Variants in SLURP2 observed in about 807,000 individuals in gnomAD.
SLURP2 encodes secreted Ly-6/uPAR domain-containing protein 2.
A neutral mutation model predicts 9.8 loss-of-function variants in SLURP2; 4 were observed. That is an observed-to-expected ratio of 0.41 (90% CI 0.20 to 0.94). SLURP2 has a LOEUF of 0.94. Ranked by LOEUF, SLURP2 falls within the 40% of genes least tolerant of loss-of-function variation. The pLI, the probability that SLURP2 is intolerant of heterozygous loss-of-function variation, is 0.32. For synonymous variants in SLURP2, 58 were observed against 56.2 expected (o/e 1.03, Z -0.15); for missense variants, 118 against 126.4 (o/e 0.93, Z 0.32).
At chr8:142,769,704 C>T (rs748663787) in intron 1 of SLURP2, 51 bp downstream of exon 1, 8 of 1,544,452 alleles carry the variant, frequency 5.2e-6, no homozygotes, top group Admixed American at 1.9e-5. Flanking sequence ...GGTGGTTGGG[C>T]TAGAGTGATG....
chr8:142,767,934 A>T (rs1490117600), intron 1 of SLURP2, among the ~76,000 whole-genome samples: 1 of 149,028 alleles, frequency 6.7e-6, no homozygotes, highest in Admixed American at 6.7e-5. Flanking sequence ...GAATGAATGA[A>T]TTCCGGGGGT....
At chr8:142,767,120 T>G (rs1815030481) in intron 1 of SLURP2, among the ~76,000 whole-genome samples, 1 of 152,218 alleles carries the variant, frequency 6.6e-6, no homozygotes, top group South Asian at 2.1e-4. Context: ...ACCAGGCCCC[T>G]GCCACGGGCC....
chr8:142,764,773 C>T (rs1442279546), intron 2 of SLURP2, 32 bp from the exon 3 acceptor site: 2 of 1,609,472 alleles, frequency 1.2e-6, no homozygotes, highest in Admixed American at 1.7e-5. Context: ...CATGGAGCTC[C>T]CTGAGGCTCT....
In SLURP2 at chr8:142,768,773, G is replaced by T. The variant is rs1815081018; in HGVS notation, c.52+982C>A. On this transcript the variant is annotated intron_variant, in intron 1 of 2. Transcript: ENST00000317543. The surrounding 1 kb of genome is among the most constrained non-coding windows in gnomAD (Gnocchi z 4.8). The stretch of plus-strand genomic sequence containing the variant: ...GACCCTGGGGCAGTCCTCAGGGTCA[G>T]CGGCTCAGCCTCTCATAGGCCAGGA... 6.6e-6 allele frequency among the ~76,000 whole-genome samples: 1 copy of T among 152,164 alleles called. No homozygotes were observed. The highest frequency in any genetic ancestry group is 1.5e-5 in the Non-Finnish European group (1 of 68,012).
rs587699906 is a variant in SLURP2, at chr8:142,768,500, G to A, written c.52+1255C>T. On this transcript the variant is annotated intron_variant, in intron 1 of 2. Transcript: ENST00000317543. This position sits in a 1 kb window ranked among gnomAD's most constrained non-coding sequence, Gnocchi z 4.8. ...CAGCTTGGGGCTTGTTCCTCGAGGG[G>A]CAGGTGGGATTTCAGCAGAAGGAAG... Among the ~76,000 whole-genome samples the A allele has an allele frequency of 2.0e-5, 3 of 152,238 alleles. No homozygotes were observed. Among genetic ancestry groups the A allele is most frequent in the African/African-American group, 7.2e-5 (3 of 41,546 alleles).
intron 1 of SLURP2, chr8:142,766,017 A>C (rs1426356019): frequency 2.6e-5 from 4 of 152,284 alleles, no homozygotes; most frequent in Non-Finnish European, 5.9e-5. Context: ...GTGTAAACAG[A>C]AACTCAGTTG....
chr8:142,765,178 G>C, intron 1 of SLURP2, 38 bp from the exon 2 acceptor site: 1 of 1,543,018 alleles, frequency 6.5e-7, no homozygotes, highest in Non-Finnish European at 8.8e-7. Flanking sequence ...AAACGGATGG[G>C]AGGCAGGTGT....
chr8:142,766,393 G>C (rs1157350124), intron 1 of SLURP2: 1 of 151,938 alleles, frequency 6.6e-6, no homozygotes. Flanking sequence ...AACCCGACTG[G>C]GCTGGTGCAC....
intron 1 of SLURP2, chr8:142,766,004 G>T (rs936890058): frequency 6.6e-6 from 1 of 151,646 alleles, no homozygotes; most frequent in African/African-American, 2.4e-5. Context: ...ACAAAAAAAG[G>T]CTGTGTAAAC....
At chr8:142,769,686 G>T in intron 1 of SLURP2, 69 bp downstream of exon 1, 1 of 1,434,988 alleles carries the variant, frequency 7.0e-7, no homozygotes, top group Non-Finnish European at 9.7e-7. Context: ...GCCCAGGGCT[G>T]GAGGGACGGT....
At chr8:142,767,754 C>G (rs587685322) in intron 1 of SLURP2, among the ~76,000 whole-genome samples, 4 of 152,190 alleles carry the variant, frequency 2.6e-5, no homozygotes, top group African/African-American at 9.6e-5. Context: ...AGTGTCCCTG[C>G]TCCAAGTGAT....
intron 1 of SLURP2, among the ~76,000 whole-genome samples, 198 bp from the exon 2 acceptor site, chr8:142,765,338 G>A (rs935205671): frequency 6.6e-6 from 1 of 152,152 alleles, no homozygotes; most frequent in African/African-American, 2.4e-5. Context: ...CCCTGCAGCT[G>A]GAGCCAGCTG....
intron 1 of SLURP2, among the ~76,000 whole-genome samples, chr8:142,766,601 C>A (rs1035703572): frequency 6.6e-6 from 1 of 152,136 alleles, no homozygotes; most frequent in Non-Finnish European, 1.5e-5. Context: ...GCCTGCTAGC[C>A]CTCCTGGGCA....
intron 1 of SLURP2, chr8:142,766,475 A>C (rs1220984890): frequency 1.3e-5 from 2 of 152,192 alleles, no homozygotes; most frequent in Non-Finnish European, 2.9e-5. Context: ...CAGTGGCGGC[A>C]CCCAGGCAGC....
chr8:142,765,474 G>A (rs13272346), intron 1 of SLURP2, among the ~76,000 whole-genome samples: 1 of 70,938 alleles, frequency 1.4e-5, no homozygotes, highest in African/African-American at 4.7e-5. Context: ...AGGGTGGGGG[G>A]TGGGGAGGAG....
At chr8:142,769,299 A>G (rs1815097843) in intron 1 of SLURP2, among the ~76,000 whole-genome samples, 1 of 151,608 alleles carries the variant, frequency 6.6e-6, no homozygotes, top group East Asian at 1.9e-4. Flanking sequence ...GGAACTGGGG[A>G]TGGGAGAGCA....
At chr8:142,765,919 C>T (rs1484488631) in intron 1 of SLURP2, among the ~76,000 whole-genome samples, 8 of 150,934 alleles carry the variant, frequency 5.3e-5, no homozygotes, top group South Asian at 2.1e-4. Flanking sequence ...GCCGAGATCG[C>T]GCCACTGCAC....
rs758224308 is a variant in SLURP2, at chr8:142,765,144, C to T, written c.53-4G>A. ...CACCATATGGCTTCGGCTGCAGCTG[C>T]GGACATGGGGACAGACAGGACACAA... On this transcript the variant is annotated splice_region_variant and splice_polypyrimidine_tract_variant and intron_variant, in intron 1 of 2. Transcript: ENST00000317543. 21 of 1,604,766 alleles carry T rather than the reference C, an allele frequency of 1.3e-5. No homozygotes were observed. Among genetic ancestry groups the T allele is most frequent in the Middle Eastern group, 1.7e-4 (1 of 5,954 alleles).
chr8:142,764,663 C>A lies in SLURP2; in HGVS notation c.236G>T (p.Gly79Val). 6.2e-7 allele frequency: 1 copy of A among 1,611,210 alleles called. No individual in the cohort carries two copies. Among genetic ancestry groups the A allele is most frequent in the Middle Eastern group, 1.7e-4 (1 of 6,048 alleles). Residue 79 changes from glycine to valine, a missense_variant, in exon 3 of 3, where the codon GGC (glycine) becomes GTC (valine). By Grantham distance (109) the Gly-to-Val change is moderately radical. Transcript: ENST00000317543. The part of the protein sequence containing the change: ...HIGCPDIPSL[G>V]LGPYVSIACC... ...AGCGATGGATACGTAGGGGCCCAGG[C>A]CCAGGCTGGGGATATCGGGGCAGCC... is the stretch of plus-strand genomic sequence containing the variant.
Sources: allele counts gnomAD v4.1 joint callset (sites outside exome capture counted in the v4.1 genomes callset), GRCh38; gene constraint gnomAD v4.1.1; non-coding constraint Gnocchi (gnomAD v3.1); transcripts MANE v1.5; gene names NCBI Gene and HGNC (gene_info 2026-07-23, HGNC 2026-07-21).